The following CYTH3 variants were observed in gnomAD, a reference collection of about 807,000 sequenced individuals.
CYTH3 encodes the protein cytohesin-3.
A neutral mutation model predicts 55.1 loss-of-function variants in CYTH3; 23 were observed. That is an observed-to-expected ratio of 0.42 (90% CI 0.30 to 0.59). The LOEUF is 0.59. Among genes scored for constraint, CYTH3 ranks in the 20% least tolerant of loss-of-function variants. CYTH3 has a pLI of 0.20. For synonymous variants in CYTH3, 249 were observed against 194.9 expected (o/e 1.28, Z -2.31); for missense variants, 413 against 524.8 (o/e 0.79, Z 2.08).
In CYTH3 at chr7:6,170,810, C is replaced by T; in HGVS notation, c.711+20G>A. 1 of 1,602,130 alleles carries T rather than the reference C, an allele frequency of 6.2e-7. No homozygotes were observed. Among genetic ancestry groups the T allele is most frequent in the Non-Finnish European group, 8.5e-7 (1 of 1,174,288 alleles). ...GAAGAGATCCTGCAGACGGCAGCGG[C>T]CGCGGGCCGGGGAGCTCACCCTCAG... On this transcript the variant is annotated intron_variant, in intron 8 of 12. Transcript: ENST00000350796. The surrounding 1 kb of genome is among the most constrained non-coding windows in gnomAD (Gnocchi z 7.8).
intron 1 of CYTH3, 92 bp from the exon 2 acceptor site, chr7:6,190,623 T>A: frequency 1.1e-6 from 1 of 936,172 alleles, no homozygotes; most frequent in Non-Finnish European, 1.6e-6. Flanking sequence ...ACCCAGCAAT[T>A]CCATACGCAG....
chr7:6,271,001 T>A (rs1398528901), intron 1 of CYTH3, among the ~76,000 whole-genome samples: 2 of 152,172 alleles, frequency 1.3e-5, no homozygotes, highest in East Asian at 3.8e-4. Context: ...ATATTACAGT[T>A]GTCTTTCTTT....
At chr7:6,190,381 CTT>C (rs1247557945) in intron 2 of CYTH3, 66 bp downstream of exon 2, 14 of 985,692 alleles carry the variant, frequency 1.4e-5, no homozygotes, top group African/African-American at 2.3e-5. Context: ...TGAGGCTACT[CTT>C]TTACTATTTT....
intron 1 of CYTH3, among the ~76,000 whole-genome samples, chr7:6,208,732 G>T (rs561479290): frequency 6.6e-6 from 1 of 152,170 alleles, no homozygotes; most frequent in African/African-American, 2.4e-5. Flanking sequence ...GTAGAGATGG[G>T]GTCTTGCTAT....
intron 1 of CYTH3, among the ~76,000 whole-genome samples, chr7:6,258,143 T>G (rs1040018087): frequency 1.3e-5 from 2 of 152,088 alleles, no homozygotes; most frequent in Non-Finnish European, 2.9e-5. Context: ...GGTTTGCTTT[T>G]TCTTTTTTTT....
In CYTH3 at chr7:6,215,023, A is replaced by G. The variant is rs559424257; in HGVS notation, c.35-24492T>C. 3.3e-4 allele frequency among the ~76,000 whole-genome samples: 50 copies of G among 152,280 alleles called. 1 individual carries two copies. The South Asian group carries it at 8.3e-3, about 25-fold the overall frequency. On this transcript the variant is annotated intron_variant, in intron 1 of 12. Coordinates refer to ENST00000350796, the MANE Select transcript of CYTH3 (RefSeq NM_004227.4). ...CAGAACCCACCTTACACAAAACTAC[A>G]GAGTTATTTGTGTGTGAAGAAAATG...
chr7:6,202,033 T>C (rs1390481819), intron 1 of CYTH3, among the ~76,000 whole-genome samples: 3 of 152,214 alleles, frequency 2.0e-5, no homozygotes, highest in African/African-American at 7.2e-5. Context: ...GCCATGGTAT[T>C]TTGAGGTTCC....
chr7:6,254,215 T>C (rs1780045527), intron 1 of CYTH3, among the ~76,000 whole-genome samples: 1 of 151,618 alleles, frequency 6.6e-6, no homozygotes, highest in African/African-American at 2.4e-5. Flanking sequence ...AAAATAAGAC[T>C]GATAAAAGAT....
At chr7:6,245,352 G>C (rs1779782268) in intron 1 of CYTH3, among the ~76,000 whole-genome samples, 1 of 151,906 alleles carries the variant, frequency 6.6e-6, no homozygotes, top group Non-Finnish European at 1.5e-5. Context: ...TTCTGAAAGA[G>C]GGCCCTCAGA....
chr7:6,235,196 CCAGGCGTAGTGGCTCACGCCTGTAATCT>C (rs1779488005), intron 1 of CYTH3, among the ~76,000 whole-genome samples: 1 of 152,208 alleles, frequency 6.6e-6, no homozygotes, highest in African/African-American at 2.4e-5. Context: ...GCTTAGTGGG[CCAGGCGTAGTGGCTCACGCCTGTAATCT>C]CAGCACTCTG....
intron 1 of CYTH3, among the ~76,000 whole-genome samples, chr7:6,192,054 T>C (rs1383048391): frequency 1.3e-5 from 2 of 152,006 alleles, no homozygotes; most frequent in East Asian, 1.9e-4. Context: ...AGGCTGACTG[T>C]GCCACTGCAC....
chr7:6,178,497 G>A (rs917372604), intron 4 of CYTH3, among the ~76,000 whole-genome samples: 3 of 152,152 alleles, frequency 2.0e-5, no homozygotes, highest in African/African-American at 4.8e-5. Context: ...TGATTTCCTG[G>A]TAAAAAGGAG....
intron 1 of CYTH3, among the ~76,000 whole-genome samples, chr7:6,259,797 ATATATATATATATATAATAT>A (rs1780280557): frequency 4.9e-5 from 1 of 20,516 alleles, no homozygotes; most frequent in African/African-American, 5.3e-4. Context: ...ATATATATAT[ATATATATATATATATAATAT>A]ATATATATAT....
chr7:6,210,859 C>T (rs1166320925), intron 1 of CYTH3, among the ~76,000 whole-genome samples: 3 of 152,166 alleles, frequency 2.0e-5, no homozygotes, highest in African/African-American at 4.8e-5. Context: ...AGTTGTTACA[C>T]TTAAAATGCT....
intron 4 of CYTH3, 106 bp downstream of exon 4, chr7:6,186,944 G>T: frequency 8.9e-7 from 1 of 1,126,842 alleles, no homozygotes; most frequent in Non-Finnish European, 1.3e-6. Context: ...AGTCTTTTAT[G>T]AGGTGACAGG....
chr7:6,263,325 C>T (rs1780402283), intron 1 of CYTH3, among the ~76,000 whole-genome samples: 1 of 152,216 alleles, frequency 6.6e-6, no homozygotes, highest in Non-Finnish European at 1.5e-5. Context: ...TCACACTACT[C>T]ACAAGCCCCT....
chr7:6,177,863 C>A lies in CYTH3; in HGVS notation c.328G>T (p.Gly110Cys). The A allele has an allele frequency of 6.2e-7, 1 of 1,614,180 alleles. No homozygotes were observed. The highest frequency in any genetic ancestry group is 8.5e-7 in the Non-Finnish European group (1 of 1,179,994). ...TCCCCAATGACGGTCTTATTTAGGCCTTCTCCTTTATAAAGGAACTGGGCG... is the reference window on the plus strand; with the variant it reads ...TCCCCAATGACGGTCTTATTTAGGCATTCTCCTTTATAAAGGAACTGGGCG... ...DVAQFLYKGE[G>C]LNKTVIGDYL... The change falls in exon 5 of 13, where the codon GGC becomes TGC. Residue 110 changes from glycine (G) to cysteine (C), a missense_variant. Gly to Cys is a radical substitution (Grantham distance 159). This residue lies in a region of CYTH3 where 152 missense variants were observed against 148.1 expected (regional missense o/e 1.03). Transcript: ENST00000350796.
At chr7:6,198,176 TG>T (rs1163294441) in intron 1 of CYTH3, among the ~76,000 whole-genome samples, 3 of 151,964 alleles carry the variant, frequency 2.0e-5, no homozygotes, top group Non-Finnish European at 4.4e-5. Flanking sequence ...TCAGGATATT[TG>T]GGGAAAGCAT....
At chr7:6,215,427 A>G (rs1343760542) in intron 1 of CYTH3, among the ~76,000 whole-genome samples, 1 of 152,038 alleles carries the variant, frequency 6.6e-6, no homozygotes, top group African/African-American at 2.4e-5. Context: ...CATCTCTACT[A>G]AAAATACAAA....
Sources: gnomAD v4.1 joint callset for allele counts (sites outside exome capture counted in the v4.1 genomes callset) on GRCh38, gnomAD v4.1.1 for gene constraint, gnomAD v4.1.1 regional missense constraint, Gnocchi (gnomAD v3.1) non-coding constraint, MANE v1.5 for transcripts, NCBI Gene and HGNC (gene_info 2026-07-23, HGNC 2026-07-21) for gene names.